The following DUSP15 variants were observed in gnomAD, a reference collection of about 807,000 sequenced individuals.
DUSP15 encodes dual specificity phosphatase 15.
In DUSP15, 23 loss-of-function variants were observed where a neutral mutation model predicts 26.3. That is an observed-to-expected ratio of 0.87 (90% confidence interval 0.63 to 1.24). DUSP15 has a LOEUF of 1.24. Among genes scored for constraint, DUSP15 ranks in the 50% most tolerant of loss-of-function variants. The pLI, the probability that DUSP15 is intolerant of heterozygous loss-of-function variation, is 0.00. For missense variants in DUSP15, 364 were observed against 320.6 expected (o/e 1.14, Z -1.03); for synonymous variants, 143 against 135.5 (o/e 1.06, Z -0.39).
chr20:31,864,893 C>T, intron 4 of DUSP15, 60 bp downstream of exon 4: 1 of 1,574,112 alleles, frequency 6.4e-7, no homozygotes, highest in Non-Finnish European at 8.7e-7. Flanking sequence ...ACCCCCTCCC[C>T]CTCCCCCACC....
chr20:31,846,311 C>T (rs1029593652), downstream of DUSP15, among the ~76,000 whole-genome samples: 6 of 151,688 alleles, frequency 4.0e-5, no homozygotes, highest in African/African-American at 1.5e-4. Context: ...CACACACACA[C>T]ACACACACAC....
chr20:31,870,646 C>T (rs1600497361), upstream of DUSP15: 5 of 1,290,160 alleles, frequency 3.9e-6, no homozygotes, highest in East Asian at 1.5e-4. This position sits in a 1 kb window ranked among gnomAD's most constrained non-coding sequence, Gnocchi z 6.6. Context: ...TGTGCCGGGC[C>T]CACGGCCCGC....
downstream of DUSP15, among the ~76,000 whole-genome samples, chr20:31,859,537 T>C (rs1038510593): frequency 1.3e-5 from 2 of 152,220 alleles, no homozygotes; most frequent in African/African-American, 4.8e-5. Context: ...GAGGGCTTTC[T>C]TCCTGCTCCT....
chr20:31,861,464 G>T lies in DUSP15; in HGVS notation c.647C>A (p.Ala216Glu). The T allele has an allele frequency of 1.3e-6, 2 of 1,549,904 alleles. No individual in the cohort carries two copies. The highest frequency in any genetic ancestry group is 1.2e-5 in the South Asian group (1 of 84,340). ...GCAAGAGAAAGTCTGCTTGACGCGC[G>T]CCAGCAGCGGCAGCGGCCGGTGGGC... The part of the protein sequence containing the change: ...REAHRPLPLL[A>E]RVKQTFSCLP... Residue 216 changes from alanine to glutamate, a missense_variant, in exon 7 of 7, where the codon GCG (alanine) becomes GAG (glutamate). Coordinates refer to ENST00000339738, the MANE Select transcript of DUSP15 (RefSeq NM_080611.5).
chr20:31,864,931 G>C (rs1272246595), intron 4 of DUSP15, 22 bp downstream of exon 4: 1 of 1,609,172 alleles, frequency 6.2e-7, no homozygotes, highest in South Asian at 1.1e-5. Context: ...GTCCATCTAT[G>C]GGTCCATCCA....
At position 31,861,630 on chromosome 20, in the gene DUSP15, C is replaced by T. The variant is rs1033231092; in HGVS notation, c.481G>A (p.Asp161Asn). The T allele has an allele frequency of 4.4e-5, 59 of 1,345,254 alleles. No homozygotes were observed. The highest frequency in any genetic ancestry group is 5.4e-5 in the Non-Finnish European group (56 of 1,037,994). The allele number at this position is 1,345,254 out of a possible 1,614,324, so 83.3% of individuals were successfully genotyped here. The stretch of plus-strand genomic sequence containing the variant: ...AGCAGCGCGCGCAACTCCTCCTCGT[C>T]GCGGAAGGGGCTCTCGCCGAAGCGC... Reference protein sequence around the residue: ...EERFGESPFRDEEELRALLPL... With the variant: ...EERFGESPFRNEEELRALLPL... The change falls in exon 7 of 7, where the codon GAC becomes AAC. Residue 161 changes from aspartate (D) to asparagine (N), a missense_variant. Transcript: ENST00000339738.
chr20:31,849,023 C>A (rs1019182666), intron 8 of DUSP15: 3 of 759,162 alleles, frequency 4.0e-6, no homozygotes, highest in Non-Finnish European at 6.5e-6. Flanking sequence ...AGCCCACATC[C>A]CATTGTGTGC....
At chr20:31,854,214 C>T (rs2062521577) in intron 6 of DUSP15, among the ~76,000 whole-genome samples, 2 of 152,118 alleles carry the variant, frequency 1.3e-5, no homozygotes, top group South Asian at 4.1e-4. Flanking sequence ...AATCATTGTT[C>T]TCAGAGACTC....
Position 31,865,121 on chromosome 20 carries a change from G to A in DUSP15, c.139-119C>T, listed in dbSNP as rs756662321. 15 of 1,086,178 alleles carry A rather than the reference G, an allele frequency of 1.4e-5. No homozygotes were observed. In the East Asian group the frequency reaches 3.6e-4, roughly 26 times the overall value. The allele number at this position is 1,086,178 out of a possible 1,614,324, so 67.3% of individuals were successfully genotyped here. A position where few individuals can be genotyped will look rare whatever the true frequency, so the allele number is the denominator to read the frequency against. ...AGTTCCTGCCCTTCTCTGGCCCACT[G>A]TGGTCCTCTCTGTCCAAAGAAAGTA... On this transcript the variant is annotated intron_variant, in intron 3 of 6. Coordinates refer to ENST00000339738, the MANE Select transcript of DUSP15 (RefSeq NM_080611.5).
At chr20:31,862,859 G>GACCT in intron 5 of DUSP15, 117 bp from the exon 6 acceptor site, 1 of 1,055,474 alleles carries the variant, frequency 9.5e-7, no homozygotes, top group Non-Finnish European at 1.3e-6. Flanking sequence ...AACCATAAGG[G>GACCT]ACCTGTCAGG....
downstream of DUSP15, among the ~76,000 whole-genome samples, chr20:31,860,662 G>A (rs79319047): frequency 8.3e-3 from 1,261 of 152,340 alleles, 15 homozygotes; most frequent in Admixed American, 0.036. Flanking sequence ...TGAGGATTAA[G>A]TGAACTCATG....
chr20:31,861,640 G>T lies in DUSP15; in HGVS notation c.471C>A (p.Ser157Arg). 6.9e-7 allele frequency: 1 copy of T among 1,459,352 alleles called. No individual in the cohort carries two copies. Among genetic ancestry groups the T allele is most frequent in the African/African-American group, 1.5e-5 (1 of 66,862 alleles). The allele number at this position is 1,459,352 out of a possible 1,614,324, so 90.4% of individuals were successfully genotyped here. Reference sequence around the variant, plus strand: ...GCAACTCCTCCTCGTCGCGGAAGGGGCTCTCGCCGAAGCGCTCCTCCAGCT... The same window carrying T: ...GCAACTCCTCCTCGTCGCGGAAGGGTCTCTCGCCGAAGCGCTCCTCCAGCT... ...RRQLEERFGE[S>R]PFRDEEELRA... Residue 157 changes from serine (S) to arginine (R), a missense_variant, in exon 7 of 7, where the codon AGC (serine) becomes AGA (arginine). Coordinates refer to ENST00000339738, the MANE Select transcript of DUSP15 (RefSeq NM_080611.5).
Position 31,870,437 on chromosome 20 carries a change from G to C in DUSP15, c.-100C>G, listed in dbSNP as rs1200033463. 7.7e-7 allele frequency: 1 copy of C among 1,290,322 alleles called. No homozygotes were observed. Among genetic ancestry groups the C allele is most frequent in the African/African-American group, 1.5e-5 (1 of 65,228 alleles). 79.9% of individuals were successfully genotyped at this position (1,290,322 alleles called of 1,614,324 possible). On this transcript the variant is annotated 5_prime_UTR_variant, in exon 1 of 7. Coordinates refer to ENST00000339738, the MANE Select transcript of DUSP15 (RefSeq NM_080611.5). This position sits in a 1 kb window ranked among gnomAD's most constrained non-coding sequence, Gnocchi z 6.6. ...GGCCCAGGCCCGACGCCTGCAGCCT[G>C]GCGGGGAACGGGGGGCCTGGCGTCC...
At chr20:31,862,860 AC>A (rs2062691166) in intron 5 of DUSP15, 118 bp from the exon 6 acceptor site, 1 of 1,056,252 alleles carries the variant, frequency 9.5e-7, no homozygotes, top group Admixed American at 3.0e-5. Flanking sequence ...ACCATAAGGG[AC>A]CTGTCAGGAC....
At chr20:31,847,401 G>A (rs954788226), downstream of DUSP15, among the ~76,000 whole-genome samples, 1 of 152,184 alleles carries the variant, frequency 6.6e-6, no homozygotes, top group Non-Finnish European at 1.5e-5. Context: ...TACCCCCAGA[G>A]TCACACACTG....
At chr20:31,856,759 C>A (rs1393593650), downstream of DUSP15, among the ~76,000 whole-genome samples, 2 of 151,976 alleles carry the variant, frequency 1.3e-5, no homozygotes, top group Non-Finnish European at 2.9e-5. Flanking sequence ...GGAAGACCCA[C>A]AGCCACCATG....
At position 31,848,300 on chromosome 20, in the gene DUSP15, C is replaced by T. The variant is rs1429357518; in HGVS notation, c.*104G>A. On this transcript the variant is annotated 3_prime_UTR_variant, in exon 10 of 10. Transcript: ENST00000278979. ...GTGGAAGGCCGCGATCCACCTCTGC[C>T]GTCCGGCAGACCTGGGTGATGTGCC... 3 of 1,331,608 alleles carry T rather than the reference C, an allele frequency of 2.3e-6. No homozygotes were observed. The African/African-American group carries it at 4.6e-5, about 21-fold the overall frequency. 82.5% of individuals were successfully genotyped at this position (1,331,608 alleles called of 1,614,324 possible). A position where few individuals can be genotyped will look rare whatever the true frequency, so the allele number is the denominator to read the frequency against.
Position 31,870,379 on chromosome 20 carries a change from C to T in DUSP15, c.-42G>A. 1 of 1,280,040 alleles carries T rather than the reference C, an allele frequency of 7.8e-7. No individual in the cohort carries two copies. Among genetic ancestry groups the T allele is most frequent in the Non-Finnish European group, 9.9e-7 (1 of 1,013,852 alleles). 79.3% of individuals were successfully genotyped at this position (1,280,040 alleles called of 1,614,324 possible). A position where few individuals can be genotyped will look rare whatever the true frequency, so the allele number is the denominator to read the frequency against. ...GTCCGGGTGCACCCCCAGCTCGCCG[C>T]CCGGGAAGCGATCCGGTCACAGCTG... On this transcript the variant is annotated 5_prime_UTR_variant, in exon 1 of 7. Transcript: ENST00000339738. This position sits in a 1 kb window ranked among gnomAD's most constrained non-coding sequence, Gnocchi z 6.6.
downstream of DUSP15, among the ~76,000 whole-genome samples, chr20:31,846,475 A>AGAGAGAGAGAGAGAGAGAGAGAGAGG (rs71274237): frequency 5.0e-5 from 4 of 79,678 alleles, no homozygotes; most frequent in South Asian, 2.5e-4. Flanking sequence ...AGAGAGAGAG[A>AGAGAGAGAGAGAGAGAGAGAGAGAGG]GGAGAGAGAG....
Sources: gnomAD v4.1 joint callset for allele counts (sites outside exome capture counted in the v4.1 genomes callset) on GRCh38, gnomAD v4.1.1 for gene constraint, Gnocchi (gnomAD v3.1) non-coding constraint, MANE v1.5 for transcripts, NCBI Gene and HGNC (gene_info 2026-07-23, HGNC 2026-07-21) for gene names.